VAV3: variants seen among roughly 807,000 people sequenced by gnomAD.
The protein encoded by VAV3 is guanine nucleotide exchange factor VAV3.
Under a neutral mutation model 131.2 loss-of-function variants are expected in VAV3, and 94 were observed. That is an observed-to-expected ratio of 0.72 (90% CI 0.61 to 0.85). VAV3 has a LOEUF of 0.85. VAV3 is among the 40% of genes least tolerant of loss of function. The pLI, the probability that VAV3 is intolerant of heterozygous loss-of-function variation, is 0.00. For synonymous variants in VAV3, 349 were observed against 342.0 expected (o/e 1.02, Z -0.22); for missense variants, 939 against 1,002.7 (o/e 0.94, Z 0.86).
rs536459725 is a variant in VAV3, at chr1:107,936,796, T to C, written c.204+27870A>G. ...TGAGAGTAGAATTCCCTGCACTTCC[T>C]TTCCTGGTTGGAATTTATGCACTTA... On this transcript the variant is annotated intron_variant, in intron 1 of 26. Coordinates refer to ENST00000370056, the MANE Select transcript of VAV3 (RefSeq NM_006113.5). Among the ~76,000 whole-genome samples, 5 of 152,336 alleles carry C rather than the reference T, an allele frequency of 3.3e-5. No homozygotes were observed. In the South Asian group the frequency reaches 1.0e-3, roughly 32 times the overall value.
At chr1:107,946,578 T>C (rs1284830241) in intron 1 of VAV3, among the ~76,000 whole-genome samples, 1 of 151,826 alleles carries the variant, frequency 6.6e-6, no homozygotes, top group Non-Finnish European at 1.5e-5. Flanking sequence ...AAGGAAAAAA[T>C]CCAAAGGGGG....
intron 2 of VAV3, among the ~76,000 whole-genome samples, chr1:107,866,052 G>T (rs1399588100): frequency 2.0e-5 from 3 of 152,082 alleles, no homozygotes; most frequent in Non-Finnish European, 2.9e-5. Flanking sequence ...GAGGGTACTG[G>T]GCTTGCAGGC....
At chr1:107,683,450 T>C (rs373908081) in intron 19 of VAV3, 38 bp downstream of exon 19, 4 of 1,611,270 alleles carry the variant, frequency 2.5e-6, no homozygotes, top group Middle Eastern at 1.6e-4. Context: ...AGCACTTAGC[T>C]GAAGCCATAA....
At chr1:107,770,948 C>T (rs1665007082) in intron 5 of VAV3, among the ~76,000 whole-genome samples, 2 of 152,120 alleles carry the variant, frequency 1.3e-5, no homozygotes, top group Admixed American at 1.3e-4. Context: ...AAATAAGCCT[C>T]TGAATGTAGA....
intron 10 of VAV3, among the ~76,000 whole-genome samples, chr1:107,759,807 G>A (rs980699211): frequency 6.6e-6 from 1 of 151,908 alleles, no homozygotes; most frequent in Non-Finnish European, 1.5e-5. Flanking sequence ...TTCTTCAATC[G>A]ATACTTGACT....
At position 107,632,139 on chromosome 1, in the gene VAV3, T is replaced by C. The variant is rs1654549545; in HGVS notation, c.1914+10480A>G. On this transcript the variant is annotated intron_variant, in intron 20 of 26. Transcript: ENST00000370056. ...CTTATTTTGTAGCTACGTTTAATAA[T>C]ACCAATTACCAACTGGTGAGCTGGG... Among the ~76,000 whole-genome samples the C allele has an allele frequency of 2.6e-5, 4 of 152,306 alleles. No individual in the cohort carries two copies. In the South Asian group the frequency reaches 8.3e-4, roughly 32 times the overall value.
intron 2 of VAV3, among the ~76,000 whole-genome samples, chr1:107,863,950 G>A (rs950597910): frequency 6.6e-6 from 1 of 152,140 alleles, no homozygotes; most frequent in Non-Finnish European, 1.5e-5. Flanking sequence ...CTCTCCAGAA[G>A]TGTATGTACA....
At chr1:107,729,672 T>C (rs1009001130) in intron 15 of VAV3, among the ~76,000 whole-genome samples, 5 of 152,204 alleles carry the variant, frequency 3.3e-5, no homozygotes, top group Non-Finnish European at 7.3e-5. Flanking sequence ...AACTGCTCCA[T>C]CATAATTTTG....
At chr1:107,616,462 G>A (rs1653161676) in intron 21 of VAV3, among the ~76,000 whole-genome samples, 1 of 152,060 alleles carries the variant, frequency 6.6e-6, no homozygotes, top group African/African-American at 2.4e-5. Context: ...GGAGGGTGAG[G>A]ATCTAAACAC....
chr1:107,776,688 G>A (rs1305187142), intron 4 of VAV3, among the ~76,000 whole-genome samples: 2 of 152,182 alleles, frequency 1.3e-5, no homozygotes, highest in Non-Finnish European at 2.9e-5. Flanking sequence ...TCCTTGAGGA[G>A]TAACGATCAC....
At chr1:107,721,721 G>C (rs1661512496) in intron 15 of VAV3, among the ~76,000 whole-genome samples, 1 of 150,238 alleles carries the variant, frequency 6.7e-6, no homozygotes, top group Non-Finnish European at 1.5e-5. Context: ...TCTAAATCCT[G>C]TTCCTGGGCC....
At chr1:107,610,329 A>C (rs1236329318) in intron 21 of VAV3, among the ~76,000 whole-genome samples, 1 of 152,138 alleles carries the variant, frequency 6.6e-6, no homozygotes, top group Non-Finnish European at 1.5e-5. Flanking sequence ...CTTTTCCAAG[A>C]CCTTGGAAAA....
chr1:107,696,394 T>A (rs1160967864), intron 17 of VAV3, among the ~76,000 whole-genome samples: 1 of 152,196 alleles, frequency 6.6e-6, no homozygotes. Flanking sequence ...CATTATAATT[T>A]ATTCTTCCCA....
Position 107,871,691 on chromosome 1 carries a change from A to T in VAV3, c.321+3210T>A, listed in dbSNP as rs150346769. Among the ~76,000 whole-genome samples the T allele has an allele frequency of 6.9e-3, 1,047 of 152,290 alleles. 10 individuals carry two copies. Among genetic ancestry groups the T allele is most frequent in the Middle Eastern group, 0.037 (11 of 294 alleles). ...TGCTCTTCACCATCTCACAAAATAC[A>T]AATTATCATTTGTGTTAACACTGTT... On this transcript the variant is annotated intron_variant, in intron 2 of 26. Transcript: ENST00000370056.
Position 107,573,314 on chromosome 1 carries a change from C to T in VAV3, c.*17G>A, listed in dbSNP as rs746574187. The T allele has an allele frequency of 3.1e-6, 5 of 1,613,776 alleles. No homozygotes were observed. Among genetic ancestry groups the T allele is most frequent in the Non-Finnish European group, 4.2e-6 (5 of 1,179,934 alleles). On this transcript the variant is annotated 3_prime_UTR_variant, in exon 27 of 27. Transcript: ENST00000370056. ...TCTCTGAAATTTTTGGTGCAGGGTG[C>T]AACACGGGATTTGAATTTATTCATC...
At chr1:107,772,892 G>T (rs1467240318) in intron 4 of VAV3, 49 bp from the exon 5 acceptor site, 2 of 1,478,596 alleles carry the variant, frequency 1.4e-6, no homozygotes, top group Non-Finnish European at 1.9e-6. Flanking sequence ...TGCAGTAAAT[G>T]CAATAGCTAC....
chr1:107,647,136 C>T (rs1039243081), intron 19 of VAV3, among the ~76,000 whole-genome samples: 4 of 150,984 alleles, frequency 2.6e-5, no homozygotes, highest in African/African-American at 9.7e-5. Context: ...GCGATTGCTA[C>T]AACATAGATT....
chr1:107,948,710 G>GT (rs1340085258), intron 1 of VAV3, among the ~76,000 whole-genome samples: 1 of 152,096 alleles, frequency 6.6e-6, no homozygotes, highest in African/African-American at 2.4e-5. Context: ...AGGCGTGGTG[G>GT]TATGTGCCTG....
intron 1 of VAV3, among the ~76,000 whole-genome samples, chr1:107,902,335 A>C (rs942189672): frequency 6.6e-6 from 1 of 152,186 alleles, no homozygotes; most frequent in African/African-American, 2.4e-5. Context: ...ATGGAGATGT[A>C]ATTGTTTCAA....
Sources: allele counts gnomAD v4.1 joint callset (sites outside exome capture counted in the v4.1 genomes callset), GRCh38; gene constraint gnomAD v4.1.1; transcripts MANE v1.5; gene names NCBI Gene and HGNC (gene_info 2026-07-23, HGNC 2026-07-21).